The following MBD5 variants were observed in gnomAD, a reference collection of about 807,000 sequenced individuals.
MBD5 encodes methyl-CpG binding domain protein 5, also known as methyl-CpG-binding domain protein 5.
MBD5 carries 13 observed loss-of-function variants against 117.3 expected under a neutral mutation model. That is an observed-to-expected ratio of 0.11 (90% confidence interval 0.07 to 0.18). MBD5 has a LOEUF of 0.18. Among genes scored for constraint, MBD5 ranks in the 10% least tolerant of loss-of-function variants. The probability of loss-of-function intolerance (pLI) is 1.00; values close to 1 mark genes in which losing one functional copy is unlikely to be tolerated. For missense variants in MBD5, 1,879 were observed against 2,093.8 expected (o/e 0.90, Z 2.00); for synonymous variants, 727 against 766.4 (o/e 0.95, Z 0.85).
intron 3 of MBD5, among the ~76,000 whole-genome samples, chr2:148,318,054 T>G (rs1287524520): frequency 1.3e-5 from 2 of 152,366 alleles, no homozygotes; most frequent in African/African-American, 4.8e-5. Flanking sequence ...AAGGTTGTAC[T>G]AATTTACATT....
rs563608081 is a variant in MBD5 at position 148,384,828 on chromosome 2, C to A, written c.-557+42492C>A. ...TGCCACATATCTACAACCATCTGATCTTTGACAAACCTGAGAAAAACAAGC... is the reference window on the plus strand; with the variant it reads ...TGCCACATATCTACAACCATCTGATATTTGACAAACCTGAGAAAAACAAGC... On this transcript the variant is annotated intron_variant, in intron 4 of 13. Coordinates refer to ENST00000642680, the MANE Select transcript of MBD5 (RefSeq NM_001378120.1). Among the ~76,000 whole-genome samples, 325 of 151,926 alleles carry A rather than the reference C, an allele frequency of 2.1e-3. 1 individual carries two copies. Among genetic ancestry groups the A allele is most frequent in the African/African-American group, 7.3e-3 (301 of 41,428 alleles).
chr2:148,452,919 C>T (rs1706771578), intron 4 of MBD5, among the ~76,000 whole-genome samples: 1 of 152,160 alleles, frequency 6.6e-6, no homozygotes, highest in Non-Finnish European at 1.5e-5. Flanking sequence ...AAACCTCTTT[C>T]ATTTTAGACA....
chr2:148,260,076 G>A (rs898163972), intron 3 of MBD5, among the ~76,000 whole-genome samples: 3 of 152,122 alleles, frequency 2.0e-5, no homozygotes, highest in Non-Finnish European at 2.9e-5. Context: ...TTTAAAATAA[G>A]ACAATGAAGT....
chr2:148,180,357 T>TGTATATAC (rs1698500995), intron 2 of MBD5, among the ~76,000 whole-genome samples: 1 of 118,846 alleles, frequency 8.4e-6, no homozygotes, highest in Non-Finnish European at 1.9e-5. Flanking sequence ...TATATATATA[T>TGTATATAC]ATATGTATAT....
rs755983540 is a variant in MBD5 at position 148,490,233 on chromosome 2, T to C, written c.4601T>C (p.Phe1534Ser). The C allele has an allele frequency of 6.8e-6, 11 of 1,614,022 alleles. No individual in the cohort carries two copies. The Admixed American group carries it at 1.8e-4, about 27-fold the overall frequency. ...NGNRPRQSRG[F>S]GELLSTAKQD... Reference sequence around the variant, plus strand: ...AATAGACCTCGACAGAGTCGGGGATTTGGAGAGCTGCTAAGCACTGCAAAG... The same window carrying C: ...AATAGACCTCGACAGAGTCGGGGATCTGGAGAGCTGCTAAGCACTGCAAAG... Residue 1534 changes from phenylalanine to serine, a missense_variant, in exon 11 of 14, where the codon TTT becomes TCT. Physicochemically the swap from Phe to Ser is radical, Grantham distance 155. Coordinates refer to ENST00000642680, the MANE Select transcript of MBD5 (RefSeq NM_001378120.1).
At chr2:148,408,756 G>A (rs1705158331) in intron 4 of MBD5, among the ~76,000 whole-genome samples, 1 of 152,034 alleles carries the variant, frequency 6.6e-6, no homozygotes, top group African/African-American at 2.4e-5. Context: ...CTACATCCAT[G>A]GATTTAACTA....
chr2:148,360,493 A>T (rs2382226), intron 4 of MBD5, among the ~76,000 whole-genome samples: 1 of 152,170 alleles, frequency 6.6e-6, no homozygotes, highest in Middle Eastern at 3.4e-3. Context: ...CCTTTTTGGG[A>T]TACTGTCTTC....
intron 4 of MBD5, among the ~76,000 whole-genome samples, chr2:148,447,178 GGAAAGAAAGAAAGAAAGAAAGAAA>G (rs70995316): frequency 0.013 from 1,756 of 137,738 alleles, 28 homozygotes; most frequent in South Asian, 0.025. Flanking sequence ...AAAGGAAGAA[GGAAAGAAAGAAAGAAAGAAAGAAA>G]GAAAGAAAGA....
At chr2:148,381,331 C>T (rs1376633919) in intron 4 of MBD5, among the ~76,000 whole-genome samples, 1 of 152,118 alleles carries the variant, frequency 6.6e-6, no homozygotes, top group East Asian at 1.9e-4. Context: ...GCACAAGCCT[C>T]AGTAACCAAT....
intron 1 of MBD5, among the ~76,000 whole-genome samples, chr2:148,112,250 T>C (rs1024734001): frequency 2.6e-5 from 4 of 152,222 alleles, no homozygotes; most frequent in Non-Finnish European, 4.4e-5. Context: ...GAATATGTGT[T>C]TGTGTACGCA....
intron 4 of MBD5, among the ~76,000 whole-genome samples, chr2:148,453,322 C>G (rs868080162): frequency 6.6e-6 from 1 of 152,048 alleles, no homozygotes; most frequent in Admixed American, 6.6e-5. Context: ...CACCAAAAGC[C>G]ATTTCCAGAG....
rs1559010681 is a variant in MBD5 at position 148,296,863 on chromosome 2, A to ATTTTTTTTTTTTTT, written c.-679-45351_-679-45350insTTTTTTTTTTTTTT. Reference sequence around the variant, plus strand: ...TAAGCATAGTTTGCTTTAGTTCTTCAATTTTTTTTTTTTTTTTTTTTGGAG... The same window carrying ATTTTTTTTTTTTTT: ...TAAGCATAGTTTGCTTTAGTTCTTCATTTTTTTTTTTTTTATTTTTTTTTTTTTTTTTTTTGGAG... On this transcript the variant is annotated intron_variant, in intron 3 of 13. Transcript: ENST00000642680. Among the ~76,000 whole-genome samples the ATTTTTTTTTTTTTT allele has an allele frequency of 8.2e-4, 31 of 37,714 alleles. 4 individuals are homozygous for ATTTTTTTTTTTTTT. Among genetic ancestry groups the ATTTTTTTTTTTTTT allele is most frequent in the Non-Finnish European group, 1.0e-3 (19 of 18,972 alleles). 24.7% of individuals were successfully genotyped at this position (37,714 alleles called of 152,430 possible).
At chr2:148,023,222 A>G (rs1693812489) in intron 1 of MBD5, among the ~76,000 whole-genome samples, 1 of 152,114 alleles carries the variant, frequency 6.6e-6, no homozygotes. Context: ...ACTAGAAAGG[A>G]TTGAAGAAAT....
chr2:148,236,854 A>G (rs1308753483), intron 3 of MBD5, among the ~76,000 whole-genome samples: 2 of 152,204 alleles, frequency 1.3e-5, no homozygotes, highest in East Asian at 3.9e-4. Flanking sequence ...TGTTGTATCT[A>G]CACTGAAAAT....
intron 3 of MBD5, among the ~76,000 whole-genome samples, chr2:148,281,795 A>G (rs1391111330): frequency 6.6e-6 from 1 of 152,094 alleles, no homozygotes; most frequent in Non-Finnish European, 1.5e-5. Flanking sequence ...CTGGTTTTAT[A>G]TAATGGTTTA....
intron 4 of MBD5, among the ~76,000 whole-genome samples, chr2:148,436,408 T>G (rs1446280595): frequency 6.6e-6 from 1 of 152,240 alleles, no homozygotes; most frequent in African/African-American, 2.4e-5. Context: ...AGTCTTGCTC[T>G]GTTGCCCAGG....
At chr2:148,208,657 T>C (rs905363131) in intron 2 of MBD5, among the ~76,000 whole-genome samples, 1 of 11,818 alleles carries the variant, frequency 8.5e-5, no homozygotes, top group African/African-American at 1.1e-4. Flanking sequence ...TATCTGTTCT[T>C]TTTTTTTTTT....
chr2:148,210,204 C>G (rs190564480), intron 2 of MBD5, among the ~76,000 whole-genome samples: 11 of 152,212 alleles, frequency 7.2e-5, no homozygotes, highest in African/African-American at 2.4e-4. Flanking sequence ...AAGCATTAGC[C>G]TAATTCCTAC....
chr2:148,438,060 T>G (rs191079044), intron 4 of MBD5, among the ~76,000 whole-genome samples: 65 of 152,364 alleles, frequency 4.3e-4, no homozygotes, highest in Non-Finnish European at 7.8e-4. Context: ...TAATGTACTT[T>G]CGTGGAGTCA....
Sources: allele counts gnomAD v4.1 joint callset (sites outside exome capture counted in the v4.1 genomes callset), GRCh38; gene constraint gnomAD v4.1.1; transcripts MANE v1.5; gene names NCBI Gene and HGNC (gene_info 2026-07-23, HGNC 2026-07-21).